Variants in DDRGK1 observed in about 807,000 individuals in gnomAD.
DDRGK1 encodes DDRGK domain-containing protein 1.
DDRGK1 carries 38 observed loss-of-function variants against 45.8 expected under a neutral mutation model. The observed-to-expected ratio is 0.83, with a 90% CI of 0.64 to 1.09. The LOEUF (loss-of-function observed/expected upper bound fraction) is 1.09, where lower values mean the gene tolerates loss of function less well. DDRGK1 is among the 50% of genes least tolerant of loss of function. The probability of loss-of-function intolerance (pLI) is 0.00; values close to 1 mark genes in which losing one functional copy is unlikely to be tolerated. For synonymous variants in DDRGK1, 171 were observed against 168.7 expected (o/e 1.01, Z -0.11); for missense variants, 403 against 419.9 (o/e 0.96, Z 0.35).
At chr20:3,200,557 C>T in intron 2 of DDRGK1, 103 bp from the exon 3 acceptor site, 2 of 986,220 alleles carry the variant, frequency 2.0e-6, no homozygotes, top group African/African-American at 3.2e-5. Context: ...GATCCCCTTC[C>T]ACCCACCTGC....
In DDRGK1 at chr20:3,194,843, A is replaced by C. The variant is rs749068713; in HGVS notation, c.659T>G (p.Ile220Ser). Residue 220 changes from isoleucine to serine, a missense_variant, in exon 6 of 9, where the codon ATC becomes AGC. Physicochemically the swap from Ile to Ser is moderately radical, Grantham distance 142 (BLOSUM62 -2). Transcript: ENST00000354488. ...GTGGCTTCTTACCTTGATGTAGTTGATGAACTCTGTCAGGAAGCTCTGGGA... is the reference window on the plus strand; with the variant it reads ...GTGGCTTCTTACCTTGATGTAGTTGCTGAACTCTGTCAGGAAGCTCTGGGA... The part of the protein sequence containing the change: ...EQSQSFLTEF[I>S]NYIKQSKVVL... 1.2e-6 allele frequency: 2 copies of C among 1,614,098 alleles called. No individual in the cohort carries two copies. The highest frequency in any genetic ancestry group is 2.2e-5 in the South Asian group (2 of 91,076).
rs768682472 is a variant in DDRGK1 at position 3,191,849 on chromosome 20, G to C, written c.673-28C>G. 7 of 1,593,426 alleles carry C rather than the reference G, an allele frequency of 4.4e-6. No individual in the cohort carries two copies. In the Admixed American group the frequency reaches 1.0e-4, roughly 24 times the overall value. On this transcript the variant is annotated intron_variant, in intron 6 of 8. Coordinates refer to ENST00000354488, the MANE Select transcript of DDRGK1 (RefSeq NM_023935.3). Reference sequence around the variant, plus strand: ...ACAAAAAGAAGGAGGAAAAGAAAGAGAGGCTGAGCTTGGGCAAATCCCTCT... The same window carrying C: ...ACAAAAAGAAGGAGGAAAAGAAAGACAGGCTGAGCTTGGGCAAATCCCTCT...
intron 4 of DDRGK1, among the ~76,000 whole-genome samples, chr20:3,199,388 C>T (rs2067026059): frequency 1.3e-5 from 2 of 152,194 alleles, no homozygotes; most frequent in African/African-American, 4.8e-5. Context: ...TTATCAGCCA[C>T]AGCACCCACA....
intron 4 of DDRGK1, among the ~76,000 whole-genome samples, chr20:3,197,131 C>T (rs1258325658): frequency 6.8e-6 from 1 of 146,300 alleles, no homozygotes; most frequent in African/African-American, 2.5e-5. Flanking sequence ...GCTGAGGCAG[C>T]AGAATCGCTT....
intron 3 of DDRGK1, 53 bp from the exon 4 acceptor site, chr20:3,200,155 C>A: frequency 6.3e-7 from 1 of 1,585,252 alleles, no homozygotes; most frequent in Non-Finnish European, 8.6e-7. Flanking sequence ...TAGAGTGTGC[C>A]CACCGCCCAG....
intron 6 of DDRGK1, 138 bp downstream of exon 6, chr20:3,194,692 G>A: frequency 8.8e-7 from 1 of 1,134,800 alleles, no homozygotes; most frequent in Non-Finnish European, 1.3e-6. Context: ...CCAGGACCCT[G>A]CGGCTCTGCC....
At chr20:3,203,553 T>C in intron 1 of DDRGK1, 137 bp from the exon 2 acceptor site, 2 of 1,256,160 alleles carry the variant, frequency 1.6e-6, no homozygotes, top group Non-Finnish European at 2.1e-6. Context: ...CTTCTCAGTC[T>C]GACTGGCAAG....
chr20:3,191,686 T>TTTAGGGCAGGTCCTCTTTAG, intron 7 of DDRGK1, 79 bp downstream of exon 7: 1 of 1,484,344 alleles, frequency 6.7e-7, no homozygotes, highest in Non-Finnish European at 9.2e-7. Flanking sequence ...ATCAAGACTC[T>TTTAGGGCAGGTCCTCTTTAG]ATCTTTAGGG....
chr20:3,195,428 C>G (rs2067006196), intron 4 of DDRGK1, 75 bp from the exon 5 acceptor site: 2 of 1,509,058 alleles, frequency 1.3e-6, no homozygotes. Flanking sequence ...GCTGCTACCC[C>G]TGCAGGACAC....
Position 3,200,113 on chromosome 20 carries a change from G to T in DDRGK1, c.409-11C>A, listed in dbSNP as rs766294488. The T allele has an allele frequency of 1.9e-6, 3 of 1,612,046 alleles. No individual in the cohort carries two copies. The highest frequency in any genetic ancestry group is 2.5e-6 in the Non-Finnish European group (3 of 1,179,206). ...TTCAGCCTCCTCTGCCTGGAGAGAGGTCTTCATAGGGGCACATCCCTCACC... is the reference window on the plus strand; with the variant it reads ...TTCAGCCTCCTCTGCCTGGAGAGAGTTCTTCATAGGGGCACATCCCTCACC... On this transcript the variant is annotated splice_polypyrimidine_tract_variant and intron_variant, in intron 3 of 8. Coordinates refer to ENST00000354488, the MANE Select transcript of DDRGK1 (RefSeq NM_023935.3).
Position 3,195,280 on chromosome 20 carries a change from G to A in DDRGK1, c.584C>T (p.Ala195Val). 6.2e-7 allele frequency: 1 copy of A among 1,613,794 alleles called. No individual in the cohort carries two copies. Among genetic ancestry groups the A allele is most frequent in the Non-Finnish European group, 8.5e-7 (1 of 1,179,876 alleles). ...TACGCCTTCCTCCTCCACCACAAAGGCCTCCTTCAGTTTCAGGTACTCCTC... is the reference window on the plus strand; with the variant it reads ...TACGCCTTCCTCCTCCACCACAAAGACCTCCTTCAGTTTCAGGTACTCCTC... The part of the protein sequence containing the change: ...EHEEYLKLKE[A>V]FVVEEEGVGE... The change falls in exon 5 of 9, where the codon GCC (alanine) becomes GTC (valine). Residue 195 changes from alanine (A) to valine (V), a missense_variant. Ala to Val is a moderately conservative substitution (Grantham distance 64). Transcript: ENST00000354488.
chr20:3,203,395 T>C lies in DDRGK1; in HGVS notation c.113A>G (p.Asn38Ser), dbSNP rs1440250093. 3 of 1,594,692 alleles carry C rather than the reference T, an allele frequency of 1.9e-6. No homozygotes were observed. Among genetic ancestry groups the C allele is most frequent in the Admixed American group, 1.8e-5 (1 of 56,140 alleles). Residue 38 changes from asparagine (N) to serine (S), a missense_variant, in exon 2 of 9, where the codon AAT becomes AGT. By Grantham distance (46) the Asn-to-Ser change is conservative. Coordinates refer to ENST00000354488, the MANE Select transcript of DDRGK1 (RefSeq NM_023935.3). Reference sequence around the variant, plus strand: ...CCGGCCTGCTCCTGCCAGCTCCTCATTGTGCAGTGGCTCTTGGCCGGCTGT... The same window carrying C: ...CCGGCCTGCTCCTGCCAGCTCCTCACTGTGCAGTGGCTCTTGGCCGGCTGT... ...AASAGQEPLH[N>S]EELAGAGRVA... is the part of the protein sequence containing the mutation.
intron 3 of DDRGK1, 84 bp from the exon 4 acceptor site, chr20:3,200,186 C>G: frequency 5.2e-6 from 8 of 1,528,338 alleles, no homozygotes; most frequent in Non-Finnish European, 7.1e-6. Flanking sequence ...GAAGGCAATG[C>G]CTGGGCCAGG....
Position 3,200,374 on chromosome 20 carries a change from C to A in DDRGK1, c.376G>T (p.Glu126Ter). Reference protein sequence around the residue: ...KIGAKKLRKLEEKQARKAQRE... With the variant: ...KIGAKKLRKL ...TGGGCCTTTCGCGCTTGTTTCTCCT[C>A]CAGCTTCCGCAGTTTCTTAGCTCCA... Residue 126 changes from glutamate to a stop codon, truncating the protein, a stop_gained, in exon 3 of 9, where the codon GAG becomes TAG. Coordinates refer to ENST00000354488, the MANE Select transcript of DDRGK1 (RefSeq NM_023935.3). LOFTEE classifies it high-confidence loss of function. 6.3e-7 allele frequency: 1 copy of A among 1,576,022 alleles called. No homozygotes were observed. The highest frequency in any genetic ancestry group is 1.3e-5 in the African/African-American group (1 of 74,220).
chr20:3,200,038 T>C lies in DDRGK1; in HGVS notation c.473A>G (p.Lys158Arg). 6.2e-7 allele frequency: 1 copy of C among 1,613,886 alleles called. No homozygotes were observed. The highest frequency in any genetic ancestry group is 8.5e-7 in the Non-Finnish European group (1 of 1,179,986). Residue 158 changes from lysine (K) to arginine (R), a missense_variant, in exon 4 of 9, where the codon AAG becomes AGG. Transcript: ENST00000354488. Reference protein sequence around the residue: ...LESQREAEWKKEEERLRLEEE... With the variant: ...LESQREAEWKREEERLRLEEE... Reference sequence around the variant, plus strand: ...CTCCAGGCGAAGCCGCTCCTCCTCCTTCTTCCACTCAGCTTCGCGCTGGGA... The same window carrying C: ...CTCCAGGCGAAGCCGCTCCTCCTCCCTCTTCCACTCAGCTTCGCGCTGGGA...
At position 3,199,982 on chromosome 20, in the gene DDRGK1, G is replaced by A. The variant is rs6115813; in HGVS notation, c.510+19C>T. 2 of 1,598,138 alleles carry A rather than the reference G, an allele frequency of 1.3e-6. No homozygotes were observed. The highest frequency in any genetic ancestry group is 1.7e-6 in the Non-Finnish European group (2 of 1,173,272). On this transcript the variant is annotated intron_variant, in intron 4 of 8. Coordinates refer to ENST00000354488, the MANE Select transcript of DDRGK1 (RefSeq NM_023935.3). ...TTGCCTGGTCAAGGGTCAGAGGTCA[G>A]GGTAGGGGCTGGCCTCACCTTCTGC... is the stretch of plus-strand genomic sequence containing the variant.
chr20:3,204,600 C>A lies in DDRGK1; in HGVS notation c.28G>T (p.Ala10Ser). The A allele has an allele frequency of 6.3e-7, 1 of 1,590,220 alleles. No homozygotes were observed. The highest frequency in any genetic ancestry group is 8.5e-7 in the Non-Finnish European group (1 of 1,172,484). The change falls in exon 1 of 9, where the codon GCG (alanine) becomes TCG (serine). Residue 10 changes from alanine to serine, a missense_variant. Physicochemically the swap from Ala to Ser is moderately conservative, Grantham distance 99 (BLOSUM62 1). Coordinates refer to ENST00000354488, the MANE Select transcript of DDRGK1 (RefSeq NM_023935.3). MVAPVWYLV[A>S]AALLVGFILF... ...ATAAAGCCGACTAGCAGAGCCGCCG[C>A]TACCAAGTACCACACAGGCGCCACC...
intron 4 of DDRGK1, among the ~76,000 whole-genome samples, chr20:3,197,802 C>T (rs988321862): frequency 3.3e-5 from 5 of 151,526 alleles, no homozygotes; most frequent in African/African-American, 4.8e-5. Context: ...TGGTGGTGCA[C>T]GTCTGTCATC....
At chr20:3,194,599 G>A (rs1021848874) in intron 6 of DDRGK1, among the ~76,000 whole-genome samples, 5 of 152,226 alleles carry the variant, frequency 3.3e-5, no homozygotes, top group Non-Finnish European at 5.9e-5. Flanking sequence ...CTGAGTGTGA[G>A]GAAGTGATCA....
Sources: gnomAD v4.1 joint callset for allele counts (sites outside exome capture counted in the v4.1 genomes callset) on GRCh38, gnomAD v4.1.1 for gene constraint, MANE v1.5 for transcripts, NCBI Gene and HGNC (gene_info 2026-07-23, HGNC 2026-07-21) for gene names.